FOXN3: variants seen among roughly 807,000 people sequenced by gnomAD.
The protein encoded by FOXN3 is forkhead box N3, also known as forkhead box protein N3.
Under a neutral mutation model 38.4 loss-of-function variants are expected in FOXN3, and 7 were observed. The observed-to-expected ratio is 0.18, with a 90% CI of 0.10 to 0.34. The LOEUF (loss-of-function observed/expected upper bound fraction) is 0.34, where lower values mean the gene tolerates loss of function less well. FOXN3 is among the 10% of genes least tolerant of loss of function. FOXN3 has a pLI of 1.00. For synonymous variants in FOXN3, 230 were observed against 242.2 expected (o/e 0.95, Z 0.47); for missense variants, 456 against 613.4 (o/e 0.74, Z 2.71).
chr14:89,466,219 C>T (rs1468938105), intron 1 of FOXN3, among the ~76,000 whole-genome samples: 3 of 152,066 alleles, frequency 2.0e-5, no homozygotes, highest in South Asian at 2.1e-4. Flanking sequence ...CTGTGCCTTC[C>T]GAAATTACAA....
rs375329400 is a variant in FOXN3 at position 89,252,314 on chromosome 14, G to A, written c.745+28636C>T. The stretch of plus-strand genomic sequence containing the variant: ...GTACACAGATGGGTTTTTCGTTGCT[G>A]TTGGACAGGGTGATCTTGAAAATTC... On this transcript the variant is annotated intron_variant, in intron 4 of 5. Coordinates refer to ENST00000557258, the MANE Select transcript of FOXN3 (RefSeq NM_005197.4). 3.9e-5 allele frequency among the ~76,000 whole-genome samples: 6 copies of A among 152,292 alleles called. No homozygotes were observed. The East Asian group carries it at 7.7e-4, about 20-fold the overall frequency.
chr14:89,568,844 T>A (rs538720062), intron 1 of FOXN3, among the ~76,000 whole-genome samples: 1 of 152,340 alleles, frequency 6.6e-6, no homozygotes, highest in African/African-American at 2.4e-5. Context: ...TATTTACACA[T>A]GGTTTGGATC....
At chr14:89,310,497 T>A (rs1339430560) in intron 3 of FOXN3, among the ~76,000 whole-genome samples, 1 of 152,242 alleles carries the variant, frequency 6.6e-6, no homozygotes, top group Non-Finnish European at 1.5e-5. Context: ...CTTTGAGTCA[T>A]CTTTCTCTCA....
chr14:89,380,787 A>T (rs907261103), intron 2 of FOXN3, among the ~76,000 whole-genome samples: 5 of 152,200 alleles, frequency 3.3e-5, no homozygotes, highest in African/African-American at 7.2e-5. Flanking sequence ...TCCCCTGTGG[A>T]CAAGGGGCAA....
chr14:89,192,468 T>C (rs1421931972), intron 4 of FOXN3, among the ~76,000 whole-genome samples: 1 of 141,648 alleles, frequency 7.1e-6, no homozygotes, highest in Non-Finnish European at 1.5e-5. Flanking sequence ...TAAACTATAG[T>C]TTATATATAC....
chr14:89,509,413 C>G (rs1894013370), intron 1 of FOXN3, among the ~76,000 whole-genome samples: 1 of 152,222 alleles, frequency 6.6e-6, no homozygotes. Context: ...CAGTTCACTG[C>G]AACCTCCACC....
At chr14:89,382,333 C>T (rs1366391314) in intron 2 of FOXN3, among the ~76,000 whole-genome samples, 1 of 152,104 alleles carries the variant, frequency 6.6e-6, no homozygotes, top group Non-Finnish European at 1.5e-5. Context: ...CACTCCCACA[C>T]TCCATGCCTC....
At chr14:89,426,151 C>G (rs150703155) in intron 1 of FOXN3, among the ~76,000 whole-genome samples, 600 of 150,290 alleles carry the variant, frequency 4.0e-3, no homozygotes, top group Middle Eastern at 0.01. Context: ...CAGCTGGGAA[C>G]GTGCACACTG....
chr14:89,385,498 T>TTA (rs1890767498), intron 2 of FOXN3, among the ~76,000 whole-genome samples: 2 of 62,772 alleles, frequency 3.2e-5, no homozygotes, highest in Admixed American at 4.1e-4. Flanking sequence ...AGGCAAACAT[T>TTA]TAAAAAAAAA....
chr14:89,399,046 T>G (rs1891176652), intron 2 of FOXN3, among the ~76,000 whole-genome samples: 1 of 152,222 alleles, frequency 6.6e-6, no homozygotes, highest in Non-Finnish European at 1.5e-5. Context: ...TGAATTTTTT[T>G]GTTGTTGCAG....
chr14:89,328,979 G>A (rs1431762918), intron 3 of FOXN3, among the ~76,000 whole-genome samples: 1 of 152,220 alleles, frequency 6.6e-6, no homozygotes, highest in Non-Finnish European at 1.5e-5. Context: ...GGCCACGGAT[G>A]CAGGCCTCCT....
intron 2 of FOXN3, among the ~76,000 whole-genome samples, chr14:89,392,010 T>A (rs1890961438): frequency 6.6e-6 from 1 of 152,158 alleles, no homozygotes; most frequent in Non-Finnish European, 1.5e-5. Flanking sequence ...TCCATTTTGT[T>A]GTCAAGATCT....
At chr14:89,313,435 G>A (rs967562638) in intron 3 of FOXN3, among the ~76,000 whole-genome samples, 30 of 152,032 alleles carry the variant, frequency 2.0e-4, no homozygotes, top group African/African-American at 6.5e-4. Flanking sequence ...GCGCATGCCC[G>A]TAATCCCAGC....
intron 1 of FOXN3, chr14:89,576,553 C>CA: frequency 6.7e-6 from 1 of 149,054 alleles, no homozygotes; most frequent in African/African-American, 2.5e-5. Flanking sequence ...AAAAAAAACC[C>CA]AAAACAAAAC....
At chr14:89,487,711 G>A (rs1289409469) in intron 1 of FOXN3, among the ~76,000 whole-genome samples, 1 of 152,080 alleles carries the variant, frequency 6.6e-6, no homozygotes, top group Non-Finnish European at 1.5e-5. Flanking sequence ...ACCGGCCCTC[G>A]AGAAATATAT....
intron 2 of FOXN3, among the ~76,000 whole-genome samples, chr14:89,393,556 C>A (rs1891016934): frequency 1.3e-5 from 2 of 152,182 alleles, no homozygotes; most frequent in South Asian, 4.1e-4. Flanking sequence ...GTCAATCTCC[C>A]ATGGCCACAT....
chr14:89,449,562 T>C (rs1455495288), intron 1 of FOXN3, among the ~76,000 whole-genome samples: 1 of 152,182 alleles, frequency 6.6e-6, no homozygotes, highest in East Asian at 1.9e-4. Flanking sequence ...CTGAAGTCCA[T>C]GTTTCCAGTT....
chr14:89,165,157 C>G (rs927812866), intron 5 of FOXN3, among the ~76,000 whole-genome samples: 5 of 152,178 alleles, frequency 3.3e-5, no homozygotes, highest in African/African-American at 1.2e-4. Context: ...GTCCTGTGCT[C>G]CGTGATCCCA....
At position 89,354,809 on chromosome 14, in the gene FOXN3, C is replaced by T. The variant is rs947914912; in HGVS notation, c.544-4001G>A. Among the ~76,000 whole-genome samples, 66 of 151,628 alleles carry T rather than the reference C, an allele frequency of 4.4e-4. 1 individual carries two copies. Among genetic ancestry groups the T allele is most frequent in the Non-Finnish European group, 5.2e-4 (35 of 67,932 alleles). ...GGCAGAGGTTGCAGTGAGCTGAGAT[C>T]GTGCCATTGCACTCCAGCCTGGGTG... On this transcript the variant is annotated intron_variant, in intron 2 of 5. Transcript: ENST00000557258.
Sources: gnomAD v4.1 joint callset for allele counts (sites outside exome capture counted in the v4.1 genomes callset) on GRCh38, gnomAD v4.1.1 for gene constraint, MANE v1.5 for transcripts, NCBI Gene and HGNC (gene_info 2026-07-23, HGNC 2026-07-21) for gene names.